NAV3: variants seen among roughly 807,000 people sequenced by gnomAD.
The protein encoded by NAV3 is pore membrane and/or filament interacting like protein 1.
In NAV3, 87 loss-of-function variants were observed where a neutral mutation model predicts 244.7. That is an observed-to-expected ratio of 0.36 (90% CI 0.30 to 0.42). The LOEUF (loss-of-function observed/expected upper bound fraction) is 0.42, where lower values mean the gene tolerates loss of function less well. NAV3 is among the 20% of genes least tolerant of loss of function. NAV3 has a pLI of 1.00. For missense variants in NAV3, 2,663 were observed against 2,893.3 expected (o/e 0.92, Z 1.83); for synonymous variants, 1,126 against 1,042.2 (o/e 1.08, Z -1.55).
At chr12:77,875,691 A>T (rs1031598284) in intron 1 of NAV3, among the ~76,000 whole-genome samples, 2 of 152,086 alleles carry the variant, frequency 1.3e-5, no homozygotes, top group African/African-American at 4.8e-5. Context: ...TTATATATTT[A>T]ATTGACTGTA....
At chr12:78,079,095 G>A (rs1248398039) in intron 12 of NAV3, among the ~76,000 whole-genome samples, 1 of 152,158 alleles carries the variant, frequency 6.6e-6, no homozygotes, top group African/African-American at 2.4e-5. Flanking sequence ...GAAAACCCCA[G>A]CTGTGAGTAT....
chr12:77,951,971 G>T (rs1890934285), intron 3 of NAV3, among the ~76,000 whole-genome samples: 1 of 151,494 alleles, frequency 6.6e-6, no homozygotes, highest in Non-Finnish European at 1.5e-5. Flanking sequence ...TCATGTAAAT[G>T]ATGAGTTAAT....
chr12:77,588,831 C>T (rs931942455), intron 2 of NAV3, among the ~76,000 whole-genome samples: 1 of 152,128 alleles, frequency 6.6e-6, no homozygotes, highest in African/African-American at 2.4e-5. Context: ...TTGAGAGGAA[C>T]AAAATTCTAC....
intron 2 of NAV3, among the ~76,000 whole-genome samples, chr12:77,687,277 T>C (rs1160451029): frequency 2.0e-5 from 3 of 152,084 alleles, no homozygotes; most frequent in African/African-American, 7.2e-5. Context: ...TTGCCTGAGA[T>C]CTGATACCTT....
intron 1 of NAV3, among the ~76,000 whole-genome samples, chr12:77,906,864 A>G (rs1041261719): frequency 1.3e-5 from 2 of 152,116 alleles, no homozygotes; most frequent in African/African-American, 4.8e-5. Flanking sequence ...CTAACCCTAT[A>G]TAATTTTGAA....
At chr12:77,636,505 G>A (rs1006300137) in intron 2 of NAV3, among the ~76,000 whole-genome samples, 33 of 151,070 alleles carry the variant, frequency 2.2e-4, no homozygotes, top group Non-Finnish European at 4.6e-4. Context: ...AACAGATACT[G>A]AAGAGGATGT....
chr12:78,113,172 G>T, intron 12 of NAV3, among the ~76,000 whole-genome samples: 1 of 152,220 alleles, frequency 6.6e-6, no homozygotes, highest in East Asian at 1.9e-4. Context: ...CCCACTCCAG[G>T]CTGCTTTTAC....
chr12:78,097,289 CT>C (rs560152161), intron 12 of NAV3, among the ~76,000 whole-genome samples: 39 of 152,280 alleles, frequency 2.6e-4, no homozygotes, highest in Admixed American at 2.2e-3. Context: ...TGCATTTTGT[CT>C]TCTCTTCTAT....
chr12:78,004,530 T>A lies in NAV3; in HGVS notation c.881-1889T>A, dbSNP rs13377689. Among the ~76,000 whole-genome samples the A allele has an allele frequency of 1.4e-3, 213 of 152,320 alleles. 1 individual carries two copies. The highest frequency in any genetic ancestry group is 4.9e-3 in the African/African-American group (202 of 41,558). On this transcript the variant is annotated intron_variant, in intron 7 of 39. Transcript: ENST00000397909. ...GCTGAGATTCATTCATAGTCAGAAGTTGAGTAATCAACATTCAGAAATATG... is the reference window on the plus strand; with the variant it reads ...GCTGAGATTCATTCATAGTCAGAAGATGAGTAATCAACATTCAGAAATATG...
chr12:77,853,681 A>T (rs894618887), intron 1 of NAV3, among the ~76,000 whole-genome samples: 7 of 152,148 alleles, frequency 4.6e-5, no homozygotes, highest in African/African-American at 7.2e-5. Context: ...ATCTCTATTT[A>T]AAAAAAAGCC....
chr12:77,654,525 C>T (rs2695843), intron 2 of NAV3, among the ~76,000 whole-genome samples: 1 of 151,944 alleles, frequency 6.6e-6, no homozygotes, highest in East Asian at 1.9e-4. Context: ...CTCTGGGTGT[C>T]GGGCACAGAC....
At chr12:77,611,237 T>C (rs1870900135) in intron 2 of NAV3, among the ~76,000 whole-genome samples, 1 of 151,968 alleles carries the variant, frequency 6.6e-6, no homozygotes, top group Admixed American at 6.6e-5. Context: ...ACAAGCAATT[T>C]TGTTTTCTAA....
At chr12:78,175,497 G>A (rs1484490251) in intron 25 of NAV3, 70 bp downstream of exon 25, 1 of 1,557,780 alleles carries the variant, frequency 6.4e-7, no homozygotes. Flanking sequence ...TTTCTTTGGG[G>A]CTTTAGTGAT....
At chr12:77,818,736 G>A (rs937505177) in intron 2 of NAV3, among the ~76,000 whole-genome samples, 1 of 151,982 alleles carries the variant, frequency 6.6e-6, no homozygotes, top group Non-Finnish European at 1.5e-5. Flanking sequence ...ACCGCTCATC[G>A]TTCACATTTA....
In NAV3 at chr12:77,705,785, C is replaced by T. The variant is rs115726522; in HGVS notation, c.72+133519C>T. ...GCCATCAAGGGGGTTTTGTCCTGAC[C>T]ACAGATTGAGGTATCACTCTCTGTT... is the stretch of plus-strand genomic sequence containing the variant. On this transcript the variant is annotated intron_variant, in intron 2 of 8. Transcript: ENST00000550042. Among the ~76,000 whole-genome samples, 50 of 151,476 alleles carry T rather than the reference C, an allele frequency of 3.3e-4. 6 individuals are homozygous for T. Among genetic ancestry groups the T allele is most frequent in the African/African-American group, 1.2e-3 (49 of 40,930 alleles).
rs1288252070 is a variant in NAV3, at chr12:78,177,140, G to T, written c.5125-1G>T. Reference sequence around the variant, plus strand: ...AAGGGTAATTTCTGTCCTTGTTTCAGCTGAGAAGTTCTTTCAAACAAGCCT... The same window carrying T: ...AAGGGTAATTTCTGTCCTTGTTTCATCTGAGAAGTTCTTTCAAACAAGCCT... On this transcript the variant is annotated splice_acceptor_variant, in intron 26 of 39. Coordinates refer to ENST00000397909, the MANE Select transcript of NAV3 (RefSeq NM_001024383.2). LOFTEE classifies it high-confidence loss of function. 6.2e-7 allele frequency: 1 copy of T among 1,613,230 alleles called. No individual in the cohort carries two copies. The highest frequency in any genetic ancestry group is 1.3e-5 in the African/African-American group (1 of 74,856).
intron 2 of NAV3, among the ~76,000 whole-genome samples, chr12:77,741,797 A>G (rs568190631): frequency 1.3e-5 from 2 of 152,146 alleles, no homozygotes; most frequent in Non-Finnish European, 2.9e-5. Flanking sequence ...TGACAAATTC[A>G]TGTTGTTTTA....
intron 1 of NAV3, among the ~76,000 whole-genome samples, chr12:77,920,823 T>C (rs1260103875): frequency 3.3e-5 from 5 of 152,056 alleles, no homozygotes; most frequent in Non-Finnish European, 7.4e-5. Flanking sequence ...GAAAATATTA[T>C]CAGAAAATAA....
intron 2 of NAV3, chr12:77,783,576 A>T (rs1433830430): frequency 6.6e-6 from 1 of 152,230 alleles, no homozygotes; most frequent in East Asian, 1.9e-4. Context: ...TGATATGAGA[A>T]TTAAAGTAAG....
Sources: gnomAD v4.1 joint callset for allele counts (sites outside exome capture counted in the v4.1 genomes callset) on GRCh38, gnomAD v4.1.1 for gene constraint, MANE v1.5 for transcripts, NCBI Gene and HGNC (gene_info 2026-07-23, HGNC 2026-07-21) for gene names.